CRADD: variants seen among roughly 807,000 people sequenced by gnomAD.
The protein encoded by CRADD is CARD and death domain containing adaptor protein, also known as death domain-containing protein CRADD.
CRADD carries 9 observed loss-of-function variants against 15.5 expected under a neutral mutation model. That is an observed-to-expected ratio of 0.58 (90% CI 0.35 to 1.01). The LOEUF (loss-of-function observed/expected upper bound fraction) is 1.01. Ranked by LOEUF, CRADD falls within the 50% of genes least tolerant of loss-of-function variation. The probability of loss-of-function intolerance (pLI) is 0.02; values close to 1 mark genes in which losing one functional copy is unlikely to be tolerated. For missense variants in CRADD, 227 were observed against 250.3 expected (o/e 0.91, Z 0.63); for synonymous variants, 118 against 107.6 (o/e 1.10, Z -0.60).
At chr12:93,804,101 A>C (rs1412965233) in intron 2 of CRADD, among the ~76,000 whole-genome samples, 2 of 152,108 alleles carry the variant, frequency 1.3e-5, no homozygotes, top group African/African-American at 4.8e-5. Context: ...ATTTGTGGCC[A>C]TTTGTCATGG....
chr12:93,818,095 G>A (rs1274170592), intron 2 of CRADD, among the ~76,000 whole-genome samples: 1 of 152,142 alleles, frequency 6.6e-6, no homozygotes, highest in Admixed American at 6.5e-5. Flanking sequence ...ATGAACCGAT[G>A]TATAAATCAG....
chr12:93,774,056 G>A (rs368481388), intron 2 of CRADD, among the ~76,000 whole-genome samples: 8 of 141,774 alleles, frequency 5.6e-5, no homozygotes, highest in African/African-American at 2.1e-4. Context: ...GGCTGGTCTT[G>A]AACTCCTGGG....
chr12:93,856,010 A>T (rs559754148), intron 2 of CRADD, among the ~76,000 whole-genome samples: 1 of 152,136 alleles, frequency 6.6e-6, no homozygotes, highest in African/African-American at 2.4e-5. Context: ...GTTTCGCCAT[A>T]CTGGCCAGGA....
chr12:93,806,606 T>A (rs1957542771), intron 2 of CRADD, among the ~76,000 whole-genome samples: 1 of 152,110 alleles, frequency 6.6e-6, no homozygotes, highest in Non-Finnish European at 1.5e-5. Flanking sequence ...CTTCAAACTT[T>A]TTTTGTTATA....
chr12:93,795,752 G>C (rs1957407873), intron 2 of CRADD, among the ~76,000 whole-genome samples: 1 of 152,060 alleles, frequency 6.6e-6, no homozygotes, highest in South Asian at 2.1e-4. Context: ...AGTCAGATTA[G>C]CTGCTAGGAA....
chr12:93,885,050 GAGA>G (rs1288242154), intron 2 of CRADD, among the ~76,000 whole-genome samples: 1 of 152,172 alleles, frequency 6.6e-6, no homozygotes, highest in Non-Finnish European at 1.5e-5. Context: ...AATGGCCTGG[GAGA>G]AGGACTGACA....
intron 2 of CRADD, among the ~76,000 whole-genome samples, chr12:93,763,433 G>A (rs2136952548): frequency 6.6e-6 from 1 of 151,584 alleles, no homozygotes; most frequent in African/African-American, 2.4e-5. Context: ...GGGGCTGCAA[G>A]TCAAGTCAAT....
At chr12:93,719,141 A>G (rs985638452) in intron 2 of CRADD, among the ~76,000 whole-genome samples, 3 of 152,138 alleles carry the variant, frequency 2.0e-5, no homozygotes, top group Admixed American at 6.6e-5. Context: ...ATTCCCTTCT[A>G]TTCCTAGTTT....
At chr12:93,839,724 C>T (rs1048094413) in intron 2 of CRADD, among the ~76,000 whole-genome samples, 1 of 152,134 alleles carries the variant, frequency 6.6e-6, no homozygotes, top group African/African-American at 2.4e-5. Flanking sequence ...TCCTCTAATT[C>T]GAATCACCTG....
chr12:93,735,377 T>C (rs1389500), intron 2 of CRADD, among the ~76,000 whole-genome samples: 8,525 of 152,156 alleles, frequency 0.056, 737 homozygotes, highest in African/African-American at 0.19. Flanking sequence ...GGTGTGGGGA[T>C]CCAAATACAG....
chr12:93,683,788 G>A (rs1955372169), intron 2 of CRADD, among the ~76,000 whole-genome samples: 2 of 152,356 alleles, frequency 1.3e-5, no homozygotes, highest in East Asian at 3.9e-4. Context: ...TTTAGATATT[G>A]TGATGGGTTT....
In CRADD at chr12:93,741,854, G is replaced by A. The variant is rs555484074; in HGVS notation, c.298+62782G>A. Among the ~76,000 whole-genome samples, 337 of 152,202 alleles carry A rather than the reference G, an allele frequency of 2.2e-3. 3 individuals carry two copies. The highest frequency in any genetic ancestry group is 7.4e-3 in the African/African-American group (309 of 41,520). ...AAAGACATTTTCTCCCCTGTAAAAG[G>A]AGGCGGCTGGCCTGTGCTCTTTCTA... On this transcript the variant is annotated intron_variant, in intron 2 of 2. Transcript: ENST00000332896.
intron 2 of CRADD, among the ~76,000 whole-genome samples, chr12:93,700,644 C>A (rs1273608148): frequency 1.3e-5 from 2 of 152,092 alleles, no homozygotes; most frequent in Admixed American, 6.6e-5. Context: ...GTTAGCCAGG[C>A]TGGTCTCGAT....
intron 2 of CRADD, among the ~76,000 whole-genome samples, chr12:93,751,395 C>T (rs1232267041): frequency 6.6e-6 from 1 of 152,162 alleles, no homozygotes; most frequent in African/African-American, 2.4e-5. Context: ...TATTATTCCT[C>T]ATTAAACACT....
rs191662212 is a variant in CRADD at position 93,833,280 on chromosome 12, G to A, written c.299-16690G>A. Among the ~76,000 whole-genome samples, 302 of 152,324 alleles carry A rather than the reference G, an allele frequency of 2.0e-3. 1 individual carries two copies. The highest frequency in any genetic ancestry group is 2.8e-3 in the Non-Finnish European group (192 of 68,028). ...ATGTTTGCAGATGGGAAGATAGATGGATGGAGAGATAGATATGCTTTCAAA... is the reference window on the plus strand; with the variant it reads ...ATGTTTGCAGATGGGAAGATAGATGAATGGAGAGATAGATATGCTTTCAAA... On this transcript the variant is annotated intron_variant, in intron 2 of 2. Transcript: ENST00000332896.
At chr12:93,773,981 G>A (rs989225631) in intron 2 of CRADD, among the ~76,000 whole-genome samples, 2 of 149,104 alleles carry the variant, frequency 1.3e-5, no homozygotes. Flanking sequence ...CTACAGGTGT[G>A]CACCACTCCA....
intron 2 of CRADD, among the ~76,000 whole-genome samples, chr12:93,788,623 G>T (rs202053805): frequency 6.6e-5 from 10 of 152,194 alleles, no homozygotes; most frequent in Non-Finnish European, 1.0e-4. Context: ...TTAAAGGGAG[G>T]GTGTGAGGTA....
chr12:93,838,713 C>T (rs531318445), intron 2 of CRADD, among the ~76,000 whole-genome samples: 47 of 151,990 alleles, frequency 3.1e-4, no homozygotes, highest in African/African-American at 1.1e-3. Context: ...GATATGTATT[C>T]CTTTATTTGT....
chr12:93,749,627 A>T (rs1339784909), intron 2 of CRADD, among the ~76,000 whole-genome samples: 1 of 152,190 alleles, frequency 6.6e-6, no homozygotes, highest in African/African-American at 2.4e-5. Flanking sequence ...AATCCAATTA[A>T]CTATCATCAT....
Sources: allele counts gnomAD v4.1 joint callset (sites outside exome capture counted in the v4.1 genomes callset), GRCh38; gene constraint gnomAD v4.1.1; transcripts MANE v1.5; gene names NCBI Gene and HGNC (gene_info 2026-07-23, HGNC 2026-07-21).